Variants in MACROD2 observed in about 807,000 individuals in gnomAD.
MACROD2 encodes mono-ADP ribosylhydrolase 2, also known as ADP-ribose glycohydrolase MACROD2.
MACROD2 carries 36 observed loss-of-function variants against 70.4 expected under a neutral mutation model. That is an observed-to-expected ratio of 0.51 (90% CI 0.39 to 0.68). The LOEUF is 0.68. Ranked by LOEUF, MACROD2 falls within the 30% of genes least tolerant of loss-of-function variation. The probability of loss-of-function intolerance (pLI) is 0.00; values close to 1 mark genes in which losing one functional copy is unlikely to be tolerated. For synonymous variants in MACROD2, 172 were observed against 178.8 expected, an observed-to-expected ratio of 0.96 and a Z score of 0.30; for missense variants, 496 against 538.4, an observed-to-expected ratio of 0.92 and a Z score of 0.78.
At chr20:15,554,565 A>G (rs2048141274) in intron 8 of MACROD2, among the ~76,000 whole-genome samples, 1 of 151,902 alleles carries the variant, frequency 6.6e-6, no homozygotes, top group Admixed American at 6.6e-5. Context: ...AAAAAAAGAA[A>G]TATCAAATTA....
At chr20:15,561,314 A>G (rs1286532310) in intron 8 of MACROD2, among the ~76,000 whole-genome samples, 1 of 152,276 alleles carries the variant, frequency 6.6e-6, no homozygotes, top group Non-Finnish European at 1.5e-5. Context: ...AACCAGAAAG[A>G]TAAGAGAAAA....
At chr20:14,953,375 C>T (rs554602737) in intron 5 of MACROD2, among the ~76,000 whole-genome samples, 1 of 151,580 alleles carries the variant, frequency 6.6e-6, no homozygotes, top group Admixed American at 6.6e-5. Context: ...GGTGTGATCT[C>T]GGCTCACTGC....
intron 8 of MACROD2, among the ~76,000 whole-genome samples, chr20:15,503,661 C>G (rs2047391342): frequency 6.6e-6 from 1 of 152,196 alleles, no homozygotes; most frequent in Non-Finnish European, 1.5e-5. Context: ...TCTCCCATGT[C>G]TCTGTTTCAT....
rs1237374120 is a variant in MACROD2 at position 14,295,791 on chromosome 20, T to C, written c.272-197688T>C. Among the ~76,000 whole-genome samples, 3 of 151,856 alleles carry C rather than the reference T, an allele frequency of 2.0e-5. No individual in the cohort carries two copies. In the East Asian group the frequency reaches 5.8e-4, roughly 29 times the overall value. On this transcript the variant is annotated intron_variant, in intron 3 of 17. Transcript: ENST00000684519. The stretch of plus-strand genomic sequence containing the variant: ...ACTAGGAAGACACTGTGCGACTGAG[T>C]CTAGCACTAAGTTTACTCTATAGAG...
At chr20:15,742,982 A>C (rs1278916396) in intron 8 of MACROD2, among the ~76,000 whole-genome samples, 1 of 152,184 alleles carries the variant, frequency 6.6e-6, no homozygotes, top group East Asian at 1.9e-4. Flanking sequence ...TATTTGTCTG[A>C]TATCTTCAAT....
rs145917143 is a variant in MACROD2, at chr20:14,233,876, A to G, written c.271+148148A>G. On this transcript the variant is annotated intron_variant, in intron 3 of 17. Transcript: ENST00000684519. ...AAAGGCAAAACTATAGAGACAATAA[A>G]AAGATCAGTGGTTGATAGGAGTTGA... 3.3e-5 allele frequency among the ~76,000 whole-genome samples: 5 copies of G among 152,186 alleles called. No homozygotes were observed. In the East Asian group the frequency reaches 9.7e-4, roughly 29 times the overall value.
At chr20:15,494,436 A>G (rs931137174) in intron 7 of MACROD2, among the ~76,000 whole-genome samples, 2 of 152,216 alleles carry the variant, frequency 1.3e-5, no homozygotes, top group East Asian at 1.9e-4. Flanking sequence ...TTGTTCATCA[A>G]CACTCGACTG....
At chr20:14,862,357 A>G (rs1441525416) in intron 5 of MACROD2, among the ~76,000 whole-genome samples, 1 of 17,862 alleles carries the variant, frequency 5.6e-5, no homozygotes, top group African/African-American at 2.9e-4. Flanking sequence ...AAAAATATAT[A>G]TATAAATATA....
chr20:15,629,557 G>A (rs993183689), intron 8 of MACROD2, among the ~76,000 whole-genome samples: 3 of 152,200 alleles, frequency 2.0e-5, no homozygotes, highest in Non-Finnish European at 4.4e-5. Flanking sequence ...TATTTAATCA[G>A]TGCTCTTTCC....
At chr20:14,014,966 A>C (rs932366629) in intron 2 of MACROD2, among the ~76,000 whole-genome samples, 3 of 82,474 alleles carry the variant, frequency 3.6e-5, no homozygotes, top group African/African-American at 1.4e-4. Context: ...ATGCCCAGCA[A>C]ATTTTTTTTT....
chr20:14,410,691 A>G (rs1287792196), intron 3 of MACROD2, among the ~76,000 whole-genome samples: 2 of 152,306 alleles, frequency 1.3e-5, no homozygotes, highest in East Asian at 3.9e-4. Context: ...ATAAATATGC[A>G]GTATAGGGTA....
chr20:14,520,096 A>G (rs574086686), intron 4 of MACROD2, among the ~76,000 whole-genome samples: 14 of 152,310 alleles, frequency 9.2e-5, no homozygotes, highest in Non-Finnish European at 2.1e-4. Flanking sequence ...GTGAATCAGA[A>G]AAAATATCTG....
At chr20:15,060,904 A>G (rs1480599685) in intron 5 of MACROD2, among the ~76,000 whole-genome samples, 1 of 152,190 alleles carries the variant, frequency 6.6e-6, no homozygotes, top group African/African-American at 2.4e-5. Context: ...AAGCTCATAC[A>G]CAATGAAGCC....
intron 3 of MACROD2, among the ~76,000 whole-genome samples, chr20:14,149,409 C>A (rs1399131715): frequency 2.0e-5 from 3 of 152,070 alleles, no homozygotes; most frequent in Non-Finnish European, 4.4e-5. Context: ...CATTGGTGGG[C>A]AGCTAGGTTG....
At chr20:15,186,379 C>T (rs549876073) in intron 5 of MACROD2, among the ~76,000 whole-genome samples, 1 of 152,106 alleles carries the variant, frequency 6.6e-6, no homozygotes, top group East Asian at 1.9e-4. Context: ...ACAACCTTGC[C>T]CTCCAATGAT....
At chr20:14,974,338 G>A (rs1739612172) in intron 5 of MACROD2, among the ~76,000 whole-genome samples, 1 of 152,144 alleles carries the variant, frequency 6.6e-6, no homozygotes, top group African/African-American at 2.4e-5. Flanking sequence ...GTTTGAATAT[G>A]GGTCACCATA....
chr20:14,360,290 T>A (rs1383179594), intron 3 of MACROD2, among the ~76,000 whole-genome samples: 1 of 152,196 alleles, frequency 6.6e-6, no homozygotes, highest in East Asian at 1.9e-4. Context: ...ACAATCAGCG[T>A]GTGAGGTAAT....
intron 6 of MACROD2, among the ~76,000 whole-genome samples, chr20:15,317,958 C>T (rs1234827674): frequency 2.0e-5 from 3 of 151,866 alleles, no homozygotes; most frequent in Non-Finnish European, 4.4e-5. Context: ...TAAAATTAGC[C>T]ATCAGAGATA....
chr20:14,108,170 A>G (rs2054397456), intron 3 of MACROD2, among the ~76,000 whole-genome samples: 1 of 152,042 alleles, frequency 6.6e-6, no homozygotes, highest in South Asian at 2.1e-4. Context: ...TGTTTATGCA[A>G]TCAGTGTTGT....
Sources: gnomAD v4.1 joint callset for allele counts (sites outside exome capture counted in the v4.1 genomes callset) on GRCh38, gnomAD v4.1.1 for gene constraint, MANE v1.5 for transcripts, NCBI Gene and HGNC (gene_info 2026-07-23, HGNC 2026-07-21) for gene names.